Variants in SASH1 observed in about 807,000 individuals in gnomAD.
The protein encoded by SASH1 is SAM and SH3 domain containing 1, also known as SAM and SH3 domain-containing protein 1.
In SASH1, 44 loss-of-function variants were observed where a neutral mutation model predicts 125.2. The ratio of observed to expected loss-of-function variants is 0.35; its 90% CI spans 0.28 to 0.45. The LOEUF is 0.45. SASH1 is among the 20% of genes least tolerant of loss of function. SASH1 has a pLI of 1.00. For missense variants in SASH1, 1,426 were observed against 1,614.5 expected (o/e 0.88, Z 2.00); for synonymous variants, 639 against 649.1 (o/e 0.98, Z 0.24).
chr6:148,408,398 G>A (rs888715813), intron 2 of SASH1, among the ~76,000 whole-genome samples: 4 of 151,980 alleles, frequency 2.6e-5, no homozygotes, highest in African/African-American at 4.8e-5. Context: ...GAGCCACCAC[G>A]CCCAGCGCAT....
intron 6 of SASH1, 135 bp downstream of exon 6, chr6:148,471,638 A>T: frequency 1.6e-6 from 1 of 620,084 alleles, no homozygotes; most frequent in Non-Finnish European, 2.9e-6. Context: ...AACTTTTCTG[A>T]CATTTCTGTT....
the SASH1 span, among the ~76,000 whole-genome samples, chr6:148,199,958 A>G: frequency 4.7e-4 from 71 of 152,292 alleles, no homozygotes; most frequent in African/African-American, 1.7e-3. Flanking sequence ...GGGATATTGA[A>G]TAGGTCACCC....
intron 2 of SASH1, among the ~76,000 whole-genome samples, chr6:148,400,707 C>T (rs534751446): frequency 1.2e-4 from 19 of 152,222 alleles, no homozygotes; most frequent in African/African-American, 2.2e-4. Context: ...GCCATGATAG[C>T]GCCACTACAC....
chr6:148,437,559 A>C (rs575293651), intron 2 of SASH1, among the ~76,000 whole-genome samples: 4 of 152,360 alleles, frequency 2.6e-5, no homozygotes, highest in Non-Finnish European at 5.9e-5. Context: ...TTTTCTGAAA[A>C]GTAGCTAAAC....
chr6:148,514,066 C>G, intron 8 of SASH1: 1 of 1,197,526 alleles, frequency 8.4e-7, no homozygotes, highest in South Asian at 2.4e-5. Flanking sequence ...GACAGATGCC[C>G]CCACAGGCCA....
chr6:148,542,614 C>T (rs979139948), intron 17 of SASH1, among the ~76,000 whole-genome samples: 4 of 152,184 alleles, frequency 2.6e-5, no homozygotes, highest in Non-Finnish European at 5.9e-5. Context: ...GTCTCGATCT[C>T]CTGACCTCGT....
At chr6:148,474,836 T>A (rs1778272019) in intron 7 of SASH1, among the ~76,000 whole-genome samples, 1 of 152,204 alleles carries the variant, frequency 6.6e-6, no homozygotes, top group African/African-American at 2.4e-5. Flanking sequence ...CCTCCCAACA[T>A]GTTGGAATTA....
At chr6:148,500,054 T>G (rs941695501) in intron 8 of SASH1, among the ~76,000 whole-genome samples, 2 of 152,158 alleles carry the variant, frequency 1.3e-5, no homozygotes, top group African/African-American at 4.8e-5. Context: ...AAAGATTGGC[T>G]TTTTGTTTTT....
chr6:148,517,481 G>A (rs993093456), intron 9 of SASH1, among the ~76,000 whole-genome samples: 2 of 152,276 alleles, frequency 1.3e-5, no homozygotes, highest in East Asian at 1.9e-4. Flanking sequence ...CTTCCAGTAG[G>A]GGAGTTGTAC....
intron 4 of SASH1, among the ~76,000 whole-genome samples, chr6:148,461,574 G>T (rs1461313811): frequency 1.3e-5 from 2 of 152,130 alleles, no homozygotes; most frequent in Non-Finnish European, 2.9e-5. Context: ...CCCTGCACCT[G>T]CCGGATTCTG....
chr6:148,281,719 G>A (rs111857458), intron 1 of SASH1, among the ~76,000 whole-genome samples: 44 of 152,188 alleles, frequency 2.9e-4, no homozygotes, highest in East Asian at 2.5e-3. Context: ...TCAGGAGATC[G>A]AGACCATCCT....
chr6:148,528,280 A>G (rs1781310726), intron 12 of SASH1, among the ~76,000 whole-genome samples: 1 of 152,116 alleles, frequency 6.6e-6, no homozygotes, highest in Non-Finnish European at 1.5e-5. Flanking sequence ...CCTCAAGGTA[A>G]TTATGACCAT....
At chr6:148,249,473 G>T in the SASH1 span, among the ~76,000 whole-genome samples, 64 of 152,334 alleles carry the variant, frequency 4.2e-4, no homozygotes, top group African/African-American at 1.5e-3. Context: ...GGTGTTCAAT[G>T]CTTCTAGGAG....
intron 2 of SASH1, among the ~76,000 whole-genome samples, chr6:148,412,131 G>A (rs1784654411): frequency 6.6e-6 from 1 of 152,198 alleles, no homozygotes; most frequent in Non-Finnish European, 1.5e-5. Flanking sequence ...ATTTGAAGAT[G>A]TTTAAGGTGG....
chr6:148,444,885 A>C (rs1410910907), intron 4 of SASH1, among the ~76,000 whole-genome samples: 1 of 152,206 alleles, frequency 6.6e-6, no homozygotes, highest in African/African-American at 2.4e-5. Flanking sequence ...ATAGACTTAC[A>C]GTTGATTTTT....
intron 8 of SASH1, among the ~76,000 whole-genome samples, chr6:148,490,435 C>G (rs1779061193): frequency 1.3e-5 from 2 of 152,112 alleles, no homozygotes; most frequent in African/African-American, 4.8e-5. Flanking sequence ...GTCTCGAACT[C>G]CTGACCTTGT....
chr6:148,418,376 G>A (rs900345009), intron 2 of SASH1, among the ~76,000 whole-genome samples: 5 of 152,186 alleles, frequency 3.3e-5, no homozygotes, highest in African/African-American at 1.2e-4. Context: ...GACACATGTG[G>A]TAGAAGTTAT....
At chr6:148,308,914 T>C (rs1361672478) in intron 1 of SASH1, among the ~76,000 whole-genome samples, 1 of 150,808 alleles carries the variant, frequency 6.6e-6, no homozygotes. Flanking sequence ...CAAAACCCCA[T>C]CTCTACTAAG....
In SASH1 at chr6:148,529,164, C is replaced by T. The variant is rs934133532; in HGVS notation, c.1428+1568C>T. Reference sequence around the variant, plus strand: ...CACCCGCCACTCACCTCCTGCTGTACGGCCCACTTCTTAACAGGCCACAGA... The same window carrying T: ...CACCCGCCACTCACCTCCTGCTGTATGGCCCACTTCTTAACAGGCCACAGA... On this transcript the variant is annotated intron_variant, in intron 12 of 19. Coordinates refer to ENST00000367467, the MANE Select transcript of SASH1 (RefSeq NM_015278.5). This position sits in a 1 kb window ranked among gnomAD's most constrained non-coding sequence, Gnocchi z 4.2. 2.0e-5 allele frequency among the ~76,000 whole-genome samples: 3 copies of T among 152,176 alleles called. No individual in the cohort carries two copies. Among genetic ancestry groups the T allele is most frequent in the African/African-American group, 7.2e-5 (3 of 41,444 alleles).
Sources: allele counts gnomAD v4.1 joint callset (sites outside exome capture counted in the v4.1 genomes callset), GRCh38; gene constraint gnomAD v4.1.1; non-coding constraint Gnocchi (gnomAD v3.1); transcripts MANE v1.5; gene names NCBI Gene and HGNC (gene_info 2026-07-23, HGNC 2026-07-21).